The following CRPPA variants were observed in gnomAD, a reference collection of about 807,000 sequenced individuals.
CRPPA encodes CDP-L-ribitol pyrophosphorylase A.
Under a neutral mutation model 52.0 loss-of-function variants are expected in CRPPA, and 43 were observed. That is an observed-to-expected ratio of 0.83 (90% confidence interval 0.65 to 1.07). CRPPA has a LOEUF of 1.07. Among genes scored for constraint, CRPPA ranks in the 50% least tolerant of loss-of-function variants. The pLI is 0.00. For missense variants in CRPPA, 629 were observed against 551.7 expected, an observed-to-expected ratio of 1.14 and a Z score of -1.40; for synonymous variants, 250 against 203.5, an observed-to-expected ratio of 1.23 and a Z score of -1.94.
chr7:16,234,959 T>A (rs898100506), intron 8 of CRPPA, among the ~76,000 whole-genome samples: 1 of 152,064 alleles, frequency 6.6e-6, no homozygotes, highest in African/African-American at 2.4e-5. Context: ...TGGAGAACTA[T>A]AAATAACTTA....
chr7:16,159,421 C>T (rs1783255381), intron 9 of CRPPA, among the ~76,000 whole-genome samples: 1 of 152,156 alleles, frequency 6.6e-6, no homozygotes, highest in Admixed American at 6.6e-5. Context: ...TTGTTCAACT[C>T]CCACTTATGA....
At chr7:16,259,065 C>T in intron 6 of CRPPA, 53 bp from the exon 7 acceptor site, 1 of 1,251,404 alleles carries the variant, frequency 8.0e-7, no homozygotes, top group Non-Finnish European at 1.1e-6. Flanking sequence ...CAAACATAAA[C>T]ATCTTTGTTA....
Position 16,308,660 on chromosome 7 carries a change from C to T in CRPPA, c.685-33G>A, listed in dbSNP as rs767262209. 37 of 1,269,672 alleles carry T rather than the reference C, an allele frequency of 2.9e-5. No homozygotes were observed. In the South Asian group the frequency reaches 3.7e-4, roughly 13 times the overall value. The allele number at this position is 1,269,672 out of a possible 1,614,324, so 78.7% of individuals were successfully genotyped here. On this transcript the variant is annotated intron_variant, in intron 3 of 9. Transcript: ENST00000407010. ...GGAAACAACAACAACAACAATTAAG[C>T]TAAAATGCGATTTTAAGTAAAACCA...
chr7:16,098,153 G>A (rs1781971371), intron 9 of CRPPA, among the ~76,000 whole-genome samples: 1 of 152,084 alleles, frequency 6.6e-6, no homozygotes, highest in South Asian at 2.1e-4. Flanking sequence ...TGGATTTGGT[G>A]GAATGCCATC....
intron 1 of CRPPA, among the ~76,000 whole-genome samples, chr7:16,413,106 A>C (rs1257076009): frequency 6.6e-6 from 1 of 152,166 alleles, no homozygotes; most frequent in Admixed American, 6.6e-5. Flanking sequence ...GCCTTCACGG[A>C]AACTTGGCCT....
intron 6 of CRPPA, among the ~76,000 whole-genome samples, chr7:16,275,601 G>A (rs779438097): frequency 1.5e-4 from 23 of 152,110 alleles, no homozygotes; most frequent in Non-Finnish European, 2.9e-4. Context: ...GCCAACGTGA[G>A]AGGATCACTT....
chr7:16,284,968 C>A (rs1784393875), intron 5 of CRPPA, among the ~76,000 whole-genome samples: 1 of 152,032 alleles, frequency 6.6e-6, no homozygotes, highest in Non-Finnish European at 1.5e-5. Flanking sequence ...CGAGGATCCC[C>A]AAACTAAATG....
intron 8 of CRPPA, among the ~76,000 whole-genome samples, chr7:16,242,649 T>C (rs1205618639): frequency 6.6e-6 from 1 of 152,210 alleles, no homozygotes; most frequent in Non-Finnish European, 1.5e-5. Context: ...GTTTCAAACA[T>C]AATTCTGATA....
intron 9 of CRPPA, among the ~76,000 whole-genome samples, chr7:16,157,880 T>C (rs1783217187): frequency 6.6e-6 from 1 of 151,838 alleles, no homozygotes; most frequent in South Asian, 2.1e-4. Flanking sequence ...TTCTTTTTTT[T>C]TTTATTTTTT....
intron 3 of CRPPA, among the ~76,000 whole-genome samples, chr7:16,323,277 T>C (rs980075566): frequency 6.6e-5 from 10 of 152,340 alleles, no homozygotes; most frequent in Admixed American, 3.9e-4. Context: ...GACCTAACTC[T>C]ATACACTTGC....
intron 8 of CRPPA, among the ~76,000 whole-genome samples, chr7:16,232,096 A>G (rs1782813541): frequency 6.6e-6 from 1 of 152,198 alleles, no homozygotes; most frequent in African/African-American, 2.4e-5. Flanking sequence ...TCATACAGAC[A>G]GCAGAGAACT....
chr7:16,397,076 C>T (rs567672622), intron 2 of CRPPA, among the ~76,000 whole-genome samples: 4 of 152,298 alleles, frequency 2.6e-5, no homozygotes, highest in South Asian at 4.1e-4. Context: ...GGAGAAAACA[C>T]ATGACATGGA....
intron 6 of CRPPA, among the ~76,000 whole-genome samples, chr7:16,266,773 C>A (rs887147996): frequency 3.3e-5 from 5 of 152,184 alleles, no homozygotes; most frequent in African/African-American, 1.2e-4. Context: ...GCCACCGTGC[C>A]CAGCCCCGTT....
chr7:16,378,031 C>CA (rs1250996756), intron 2 of CRPPA, among the ~76,000 whole-genome samples: 2 of 151,082 alleles, frequency 1.3e-5, no homozygotes, highest in Non-Finnish European at 1.5e-5. Context: ...GAGTTTACTC[C>CA]AAAAAAAATA....
chr7:16,376,138 A>C lies in CRPPA; in HGVS notation c.638T>G (p.Met213Arg), dbSNP rs397515408. The change falls in exon 3 of 10, where the codon ATG (methionine) becomes AGG (arginine). Residue 213 changes from methionine to arginine, a missense_variant. Met to Arg is a moderately conservative substitution (Grantham distance 91). Transcript: ENST00000407010. ...LERARHRASE[M>R]PQAFLFDVIY... ...CACATCAAATAGAAAAGCTTGGGGC[A>C]TTTCACTTGCTCTGTGTCTGGCACG... 1.2e-6 allele frequency: 2 copies of C among 1,612,278 alleles called. No homozygotes were observed. The highest frequency in any genetic ancestry group is 1.7e-6 in the Non-Finnish European group (2 of 1,179,130).
chr7:16,354,660 TTTA>T (rs143162364), intron 3 of CRPPA, among the ~76,000 whole-genome samples: 3 of 151,768 alleles, frequency 2.0e-5, no homozygotes, highest in Non-Finnish European at 1.5e-5. Flanking sequence ...CCTTGCAGTT[TTTA>T]TTATTATTAT....
intron 9 of CRPPA, among the ~76,000 whole-genome samples, chr7:16,211,726 A>G (rs912615116): frequency 6.6e-6 from 1 of 152,168 alleles, no homozygotes; most frequent in Non-Finnish European, 1.5e-5. Flanking sequence ...GTGGTACCCT[A>G]TACATTCAGA....
At chr7:16,259,093 G>T (rs968130163) in intron 6 of CRPPA, 81 bp from the exon 7 acceptor site, 3 of 922,688 alleles carry the variant, frequency 3.3e-6, no homozygotes, top group Non-Finnish European at 4.9e-6. Context: ...ACACATAATT[G>T]CTAGAAGGCC....
In CRPPA at chr7:16,128,463, A is replaced by G. The variant is rs555598726; in HGVS notation, c.1252-36664T>C. Among the ~76,000 whole-genome samples the G allele has an allele frequency of 2.0e-5, 3 of 152,252 alleles. No homozygotes were observed. The South Asian group carries it at 6.2e-4, about 32-fold the overall frequency. On this transcript the variant is annotated intron_variant, in intron 9 of 9. Coordinates refer to ENST00000407010, the MANE Select transcript of CRPPA (RefSeq NM_001101426.4). ...AGAGTTTTTAAATGAAAAACCTGCT[A>G]ATCTGGGTTAGAGATAATCTGTGAC...
Sources: allele counts gnomAD v4.1 joint callset (sites outside exome capture counted in the v4.1 genomes callset), GRCh38; gene constraint gnomAD v4.1.1; transcripts MANE v1.5; gene names NCBI Gene and HGNC (gene_info 2026-07-23, HGNC 2026-07-21).